The following SLC52A3 variants were observed in gnomAD, a reference collection of about 807,000 sequenced individuals.
SLC52A3 encodes the protein solute carrier family 52 member 3.
Under a neutral mutation model 29.5 loss-of-function variants are expected in SLC52A3, and 20 were observed. The ratio of observed to expected loss-of-function variants is 0.68; its 90% CI spans 0.48 to 0.99. SLC52A3 has a LOEUF of 0.99. SLC52A3 is among the 50% of genes least tolerant of loss of function. The pLI is 0.00. For missense variants in SLC52A3, 548 were observed against 612.9 expected (o/e 0.89, Z 1.12); for synonymous variants, 301 against 271.0 (o/e 1.11, Z -1.09).
chr20:772,297 G>T (rs1446515785), upstream of SLC52A3, among the ~76,000 whole-genome samples: 1 of 152,336 alleles, frequency 6.6e-6, no homozygotes, highest in Non-Finnish European at 1.5e-5. Context: ...ATTTGGCTCC[G>T]GGGGTCTGTT....
upstream of SLC52A3, among the ~76,000 whole-genome samples, chr20:778,404 A>G (rs1225999226): frequency 2.0e-5 from 3 of 152,170 alleles, no homozygotes; most frequent in Non-Finnish European, 4.4e-5. Flanking sequence ...TGTCTCCGCC[A>G]ATCCCCCAAA....
At chr20:775,629 G>T (rs1179092089) in intron 1 of SLC52A3, among the ~76,000 whole-genome samples, 1 of 152,100 alleles carries the variant, frequency 6.6e-6, no homozygotes. Flanking sequence ...AATTCACCTG[G>T]ATGGCTCAGC....
chr20:778,481 T>C (rs1245601718), upstream of SLC52A3, among the ~76,000 whole-genome samples: 1 of 152,214 alleles, frequency 6.6e-6, no homozygotes, highest in Non-Finnish European at 1.5e-5. Flanking sequence ...TTTTGTGGGA[T>C]TTCCACGCAC....
chr20:761,234 G>A lies in SLC52A3; in HGVS notation c.1202C>T (p.Ala401Val). 2.6e-6 allele frequency: 4 copies of A among 1,548,496 alleles called. No individual in the cohort carries two copies. Among genetic ancestry groups the A allele is most frequent in the Non-Finnish European group, 2.6e-6 (3 of 1,146,372 alleles). ...GHWGGEVLIV[A>V]SWVLFSGCLS... is the part of the protein sequence containing the mutation. ...GCAGCCGCTGAAAAGCACCCACGAG[G>A]CCACCTGCGGGGCCGGGAGGGAAGA... The change falls in exon 5 of 5, where the codon GCC (alanine) becomes GTC (valine). Residue 401 changes from alanine to valine, a missense_variant. Physicochemically the swap from Ala to Val is moderately conservative, Grantham distance 64 (BLOSUM62 0). Around this residue, in one of 2 missense-constraint regions of SLC52A3, gnomAD observed 173 missense variants for 141.8 expected, o/e 1.22. Transcript: ENST00000645534.
At chr20:766,954 C>T (rs1276426203) in intron 1 of SLC52A3, among the ~76,000 whole-genome samples, 1 of 152,136 alleles carries the variant, frequency 6.6e-6, no homozygotes, top group Non-Finnish European at 1.5e-5. Flanking sequence ...ACTCCAGGTG[C>T]CATTTCTCAC....
At chr20:772,919 GTGCGGCCACACCTGCTCTGTCCCA>G, upstream of SLC52A3, among the ~76,000 whole-genome samples, 1 of 152,316 alleles carries the variant, frequency 6.6e-6, no homozygotes, top group Non-Finnish European at 1.5e-5. Context: ...AGGCCCTGGG[GTGCGGCCACACCTGCTCTGTCCCA>G]GAAGTGGATT....
In SLC52A3 at chr20:763,745, C is replaced by G. The variant is rs374137295; in HGVS notation, c.826G>C (p.Ala276Pro). 7 of 1,614,196 alleles carry G rather than the reference C, an allele frequency of 4.3e-6. No individual in the cohort carries two copies. Among genetic ancestry groups the G allele is most frequent in the Non-Finnish European group, 5.9e-6 (7 of 1,180,006 alleles). ...RPREENDLGP[A>P]GTVDSSQGQG... is the part of the protein sequence containing the mutation. ...CCCTGGCTGCTGTCCACCGTGCCTG[C>G]AGGGCCCAAGTCATTCTCTTCCCGC... The change falls in exon 3 of 5, where the codon GCA becomes CCA. Residue 276 changes from alanine (A) to proline (P), a missense_variant. By Grantham distance (27) the Ala-to-Pro change is conservative. Around this residue, in one of 2 missense-constraint regions of SLC52A3, gnomAD observed 375 missense variants for 471.1 expected, o/e 0.80. Transcript: ENST00000645534.
upstream of SLC52A3, among the ~76,000 whole-genome samples, chr20:770,773 G>A (rs559717180): frequency 3.3e-5 from 5 of 152,316 alleles, no homozygotes; most frequent in East Asian, 3.9e-4. This position sits in a 1 kb window ranked among gnomAD's most constrained non-coding sequence, Gnocchi z 4.5. Context: ...TAATAAAAGC[G>A]AGGTATTTTG....
In SLC52A3 at chr20:766,280, C is replaced by A. The variant is rs138512372; in HGVS notation, c.-51-455G>T. ...GAAAACAAGAGAAGCCTTTCCTAACCGTGATTCATGAAAGAAAAGTTCAAT... is the reference window on the plus strand; with the variant it reads ...GAAAACAAGAGAAGCCTTTCCTAACAGTGATTCATGAAAGAAAAGTTCAAT... On this transcript the variant is annotated intron_variant, in intron 1 of 4. Coordinates refer to ENST00000645534, the MANE Select transcript of SLC52A3 (RefSeq NM_033409.4). 145 of 155,312 alleles carry A rather than the reference C, an allele frequency of 9.3e-4. 1 individual carries two copies. Among genetic ancestry groups the A allele is most frequent in the Non-Finnish European group, 2.3e-4 (16 of 69,746 alleles). The allele number at this position is 155,312 out of a possible 1,614,324, so 9.6% of individuals were successfully genotyped here.
intron 1 of SLC52A3, among the ~76,000 whole-genome samples, chr20:767,849 CTT>C (rs1243267751): frequency 7.2e-5 from 11 of 152,204 alleles, no homozygotes; most frequent in Non-Finnish European, 2.9e-5. Context: ...CTGTTTACCC[CTT>C]TGTCAGCTAC....
intron 3 of SLC52A3, among the ~76,000 whole-genome samples, chr20:762,109 T>C (rs1158518367): frequency 6.6e-6 from 1 of 152,176 alleles, no homozygotes; most frequent in Non-Finnish European, 1.5e-5. Flanking sequence ...CTGTTTAAGC[T>C]GAGACTCGCC....
upstream of SLC52A3, chr20:768,572 G>T: frequency 6.6e-6 from 1 of 152,410 alleles, no homozygotes. Context: ...TCCCACACAC[G>T]GAATTCCCTC....
chr20:760,995 G>A lies in SLC52A3; in HGVS notation c.*31C>T. 2 of 1,573,944 alleles carry A rather than the reference G, an allele frequency of 1.3e-6. No individual in the cohort carries two copies. The highest frequency in any genetic ancestry group is 1.2e-5 in the South Asian group (1 of 85,988). On this transcript the variant is annotated 3_prime_UTR_variant, in exon 5 of 5. Transcript: ENST00000645534. This position sits in a 1 kb window ranked among gnomAD's most constrained non-coding sequence, Gnocchi z 4.9. ...GCCTCTCTGGACCCCAGTTCCGTCCGTGAGCGATGGGGGCGGGGTCGGCGG... is the reference window on the plus strand; with the variant it reads ...GCCTCTCTGGACCCCAGTTCCGTCCATGAGCGATGGGGGCGGGGTCGGCGG...
chr20:764,021 G>GGTCA lies in SLC52A3; in HGVS notation c.568-19_568-18insTGAC, dbSNP rs11273404. Reference sequence around the variant, plus strand: ...GGAACTCCCTGCAAAGGACAAGACAGATCCCTGGTCAGGGGAGGGGATCAG... The same window carrying GGTCA: ...GGAACTCCCTGCAAAGGACAAGACAGGTCAATCCCTGGTCAGGGGAGGGGATCAG... On this transcript the variant is annotated intron_variant, in intron 2 of 4. Transcript: ENST00000645534. The GGTCA allele has an allele frequency of 9.7e-6, 15 of 1,548,988 alleles. No homozygotes were observed. Among genetic ancestry groups the GGTCA allele is most frequent in the East Asian group, 7.3e-5 (3 of 41,068 alleles).
In SLC52A3 at chr20:760,952, C is replaced by T. The variant is rs1267891962; in HGVS notation, c.*74G>A. The stretch of plus-strand genomic sequence containing the variant: ...TCAGGCTCTGTCTCTCTGTTCCTGC[C>T]CCTTGCTCTGTGACCTGGCCTCTCT... On this transcript the variant is annotated 3_prime_UTR_variant, in exon 5 of 5. Coordinates refer to ENST00000645534, the MANE Select transcript of SLC52A3 (RefSeq NM_033409.4). This position sits in a 1 kb window ranked among gnomAD's most constrained non-coding sequence, Gnocchi z 4.9. 7.1e-7 allele frequency: 1 copy of T among 1,414,562 alleles called. No homozygotes were observed. Among genetic ancestry groups the T allele is most frequent in the Non-Finnish European group, 9.7e-7 (1 of 1,025,764 alleles). 87.6% of individuals were successfully genotyped at this position (1,414,562 alleles called of 1,614,324 possible).
At chr20:766,065 T>G in intron 1 of SLC52A3, 1 of 437,526 alleles carries the variant, frequency 2.3e-6, no homozygotes. Flanking sequence ...GTTTCCCAAA[T>G]AGCTGGGATT....
upstream of SLC52A3, among the ~76,000 whole-genome samples, chr20:769,194 C>A (rs1986776169): frequency 6.6e-6 from 1 of 152,214 alleles, no homozygotes; most frequent in South Asian, 2.1e-4. Context: ...TTGGTTTGCC[C>A]AGTGTGTTTA....
chr20:773,612 G>A (rs1417470327), intron 1 of SLC52A3, among the ~76,000 whole-genome samples: 2 of 152,162 alleles, frequency 1.3e-5, no homozygotes, highest in Non-Finnish European at 2.9e-5. Flanking sequence ...AGGAGAAGCT[G>A]AGAGAGGCTC....
At chr20:778,046 CT>C (rs1171580493), upstream of SLC52A3, among the ~76,000 whole-genome samples, 1 of 140,540 alleles carries the variant, frequency 7.1e-6, no homozygotes. Context: ...TACAATTTCA[CT>C]TTTTTTTGCC....
Sources: allele counts gnomAD v4.1 joint callset (sites outside exome capture counted in the v4.1 genomes callset), GRCh38; gene constraint gnomAD v4.1.1; regional missense constraint gnomAD v4.1.1; non-coding constraint Gnocchi (gnomAD v3.1); transcripts MANE v1.5; gene names NCBI Gene and HGNC (gene_info 2026-07-23, HGNC 2026-07-21).